Variants in ANKRD26 observed in about 807,000 individuals in gnomAD.
ANKRD26 encodes the protein ankyrin repeat domain 26, also known as ankyrin repeat domain-containing protein 26.
A neutral mutation model predicts 208.7 loss-of-function variants in ANKRD26; 141 were observed. The ratio of observed to expected loss-of-function variants is 0.68; its 90% confidence interval spans 0.59 to 0.78. The LOEUF (loss-of-function observed/expected upper bound fraction) is 0.78. Among genes scored for constraint, ANKRD26 ranks in the 30% least tolerant of loss-of-function variants. The probability of loss-of-function intolerance (pLI) is 0.00; values close to 1 mark genes in which losing one functional copy is unlikely to be tolerated. For synonymous variants in ANKRD26, 636 were observed against 660.4 expected (o/e 0.96, Z 0.57); for missense variants, 1,889 against 1,938.7 (o/e 0.97, Z 0.48).
At chr10:27,030,970 AT>A (rs1446941125) in intron 25 of ANKRD26, among the ~76,000 whole-genome samples, 3 of 152,222 alleles carry the variant, frequency 2.0e-5, no homozygotes, top group East Asian at 3.8e-4. Flanking sequence ...ATGAAAAAAA[AT>A]AAAAGTGAAG....
Position 27,033,357 on chromosome 10 carries a change from T to A in ANKRD26, c.3675A>T (p.Gln1225His). ...TTTTTAGGGTATCAGCTAGTTCTTG[T>A]TGAAGTTGTCTCACAACAACCTGAT... ...AEREVVVRQLQQELADTLKKQ... is the reference protein window; with the variant it reads ...AEREVVVRQLHQELADTLKKQ... Residue 1225 changes from glutamine (Q) to histidine (H), a missense_variant, in exon 25 of 34, where the codon CAA becomes CAT. Physicochemically the swap from Gln to His is conservative, Grantham distance 24. Transcript: ENST00000376087. The A allele has an allele frequency of 1.9e-6, 3 of 1,610,038 alleles. No homozygotes were observed. The South Asian group carries it at 3.3e-5, about 18-fold the overall frequency.
rs998459701 is a variant in ANKRD26, at chr10:27,061,335, T to G, written c.1364-93A>C. 2.3e-5 allele frequency: 18 copies of G among 790,082 alleles called. No homozygotes were observed. The Admixed American group carries it at 2.6e-4, about 11-fold the overall frequency. 48.9% of individuals were successfully genotyped at this position (790,082 alleles called of 1,614,324 possible). A position where few individuals can be genotyped will look rare whatever the true frequency, so the allele number is the denominator to read the frequency against. Reference sequence around the variant, plus strand: ...ACAGAATTAGATATTAATAACATTTTATATTTCAAAATTAGTGCAGTTTTT... The same window carrying G: ...ACAGAATTAGATATTAATAACATTTGATATTTCAAAATTAGTGCAGTTTTT... On this transcript the variant is annotated intron_variant, in intron 12 of 33. Transcript: ENST00000376087.
rs1589194534 is a variant in ANKRD26, at chr10:27,004,769, T to C, written c.*821A>G. 6.7e-6 allele frequency: 1 copy of C among 149,618 alleles called. No individual in the cohort carries two copies. Among genetic ancestry groups the C allele is most frequent in the African/African-American group, 2.5e-5 (1 of 40,104 alleles). The allele number at this position is 149,618 out of a possible 1,614,324, so 9.3% of individuals were successfully genotyped here. A position where few individuals can be genotyped will look rare whatever the true frequency, so the allele number is the denominator to read the frequency against. The stretch of plus-strand genomic sequence containing the variant: ...GAAAGACTGAGGAACTGTTCCAGAC[T>C]GAAAGATCTAACAGATACAACAACT... On this transcript the variant is annotated 3_prime_UTR_variant, in exon 34 of 34. Coordinates refer to ENST00000376087, the MANE Select transcript of ANKRD26 (RefSeq NM_014915.3).
intron 3 of ANKRD26, among the ~76,000 whole-genome samples, chr10:27,092,866 T>G (rs2056345262): frequency 6.6e-6 from 1 of 152,214 alleles, no homozygotes; most frequent in Non-Finnish European, 1.5e-5. Flanking sequence ...GTGGATCACC[T>G]GAGGTCAGGA....
At position 26,994,942 on chromosome 10, in the gene ANKRD26, G is replaced by A. The variant is rs146581082; in HGVS notation, c.*29+99C>T. On this transcript the variant is annotated intron_variant, in intron 5 of 5. Transcript: ENST00000445828. Reference sequence around the variant, plus strand: ...GGCTACTTCAGCTGATCTGCCTTGGGGAAGAGGACTGGCTTCAATTACCTC... The same window carrying A: ...GGCTACTTCAGCTGATCTGCCTTGGAGAAGAGGACTGGCTTCAATTACCTC... The A allele has an allele frequency of 5.7e-4, 230 of 402,794 alleles. 1 individual carries two copies. The highest frequency in any genetic ancestry group is 4.5e-3 in the African/African-American group (218 of 48,896). The allele number at this position is 402,794 out of a possible 1,614,324, so 25.0% of individuals were successfully genotyped here.
the ANKRD26 span, among the ~76,000 whole-genome samples, chr10:26,959,564 G>A: frequency 6.6e-6 from 1 of 151,670 alleles, no homozygotes; most frequent in South Asian, 2.1e-4. Flanking sequence ...TAACTATGAA[G>A]AGAGAAAGCA....
rs1338893639 is a variant in ANKRD26 at position 27,043,542 on chromosome 10, TC to T, written c.2044del (p.Asp682MetfsTer6). 1 of 1,613,748 alleles carries T rather than the reference TC, an allele frequency of 6.2e-7. No individual in the cohort carries two copies. The highest frequency in any genetic ancestry group is 8.5e-7 in the Non-Finnish European group (1 of 1,179,842). ...NKVKNQIQSM[D>X]DVDDLTQSSE... ...TGACTGAGTTAAGTCATCAACATCA[TC>T]CATAGACTGTATTTGGTTTTTGACC... On this transcript the variant is annotated frameshift_variant, in exon 20 of 34. Coordinates refer to ENST00000376087, the MANE Select transcript of ANKRD26 (RefSeq NM_014915.3). LOFTEE classifies it high-confidence loss of function.
At chr10:27,000,210 C>T (rs542641875), downstream of ANKRD26, among the ~76,000 whole-genome samples, 5 of 152,202 alleles carry the variant, frequency 3.3e-5, no homozygotes, top group Non-Finnish European at 7.4e-5. Flanking sequence ...CCACAGAAAC[C>T]GAGAGATAAG....
At chr10:27,057,585 A>G (rs1167804738) in intron 15 of ANKRD26, among the ~76,000 whole-genome samples, 1 of 152,220 alleles carries the variant, frequency 6.6e-6, no homozygotes, top group African/African-American at 2.4e-5. Flanking sequence ...TCCTCAACGT[A>G]CCACTATGTT....
chr10:27,020,180 C>T (rs2053438760), intron 29 of ANKRD26, among the ~76,000 whole-genome samples: 1 of 152,164 alleles, frequency 6.6e-6, no homozygotes. Context: ...TTAGTTGACA[C>T]ACAACATTGT....
the ANKRD26 span, among the ~76,000 whole-genome samples, chr10:26,967,869 C>T: frequency 6.6e-6 from 1 of 152,130 alleles, no homozygotes; most frequent in South Asian, 2.1e-4. Flanking sequence ...TCTGCAGACT[C>T]TTCTACCTTA....
chr10:27,100,305 T>G lies in ANKRD26; in HGVS notation c.22A>C (p.Lys8Gln). The G allele has an allele frequency of 6.2e-7, 1 of 1,609,234 alleles. No homozygotes were observed. The highest frequency in any genetic ancestry group is 8.5e-7 in the Non-Finnish European group (1 of 1,179,756). MKKIFSK[K>Q]GESPLGSFAR... ...AAGGAGCCCAAGGGCGACTCGCCCTTCTTACTAAAAATCTTCTTCATGGCC... is the reference window on the plus strand; with the variant it reads ...AAGGAGCCCAAGGGCGACTCGCCCTGCTTACTAAAAATCTTCTTCATGGCC... The change falls in exon 1 of 34, where the codon AAG becomes CAG. Residue 8 changes from lysine to glutamine, a missense_variant. Physicochemically the swap from Lys to Gln is moderately conservative, Grantham distance 53. This residue lies in a region of ANKRD26 where 1,272 missense variants were observed against 1,273.8 expected (regional missense o/e 1.00). Coordinates refer to ENST00000376087, the MANE Select transcript of ANKRD26 (RefSeq NM_014915.3).
chr10:27,041,485 G>A (rs2054238330), intron 20 of ANKRD26, among the ~76,000 whole-genome samples: 1 of 152,124 alleles, frequency 6.6e-6, no homozygotes, highest in South Asian at 2.1e-4. Flanking sequence ...CCTCAGGAGT[G>A]GGGAATTAGC....
chr10:27,031,965 T>C (rs1225733106), intron 25 of ANKRD26, among the ~76,000 whole-genome samples: 1 of 152,198 alleles, frequency 6.6e-6, no homozygotes, highest in Non-Finnish European at 1.5e-5. Flanking sequence ...ACAGACTCTG[T>C]ATCCATTCAC....
downstream of ANKRD26, among the ~76,000 whole-genome samples, chr10:26,970,195 T>A (rs954608253): frequency 6.6e-6 from 1 of 152,098 alleles, no homozygotes; most frequent in Admixed American, 6.6e-5. Flanking sequence ...GTGATTTCTT[T>A]GGGGCCCTGA....
Position 27,085,662 on chromosome 10 carries a change from C to G in ANKRD26, c.709+877G>C, listed in dbSNP as rs534997402. 3.9e-5 allele frequency among the ~76,000 whole-genome samples: 6 copies of G among 152,210 alleles called. No homozygotes were observed. In the South Asian group the frequency reaches 1.2e-3, roughly 32 times the overall value. ...CCAGAAAGGTACTGTTGAGTTCCCC[C>G]TTTTAAAGATAGTTAATTTTTAGTG... is the stretch of plus-strand genomic sequence containing the variant. On this transcript the variant is annotated intron_variant, in intron 5 of 33. Transcript: ENST00000376087.
At chr10:26,985,613 G>C (rs73596342) in intron 3 of ANKRD26, among the ~76,000 whole-genome samples, 1,887 of 152,282 alleles carry the variant, frequency 0.012, 44 homozygotes, top group African/African-American at 0.043. Flanking sequence ...CCTGCTTTCA[G>C]TGGTGTCCAA....
Position 27,035,160 on chromosome 10 carries a change from A to T in ANKRD26, c.3290T>A (p.Val1097Glu). The change falls in exon 24 of 34, where the codon GTA becomes GAA. Residue 1097 changes from valine to glutamate, a missense_variant. Val to Glu is a moderately radical substitution (Grantham distance 121). This residue lies in a region of ANKRD26 where 1,272 missense variants were observed against 1,273.8 expected (regional missense o/e 1.00). Transcript: ENST00000376087. Reference sequence around the variant, plus strand: ...CTGTGTTTGGCTTAGGTCCTTTTGTACCCGTTCTAAACCCAAAGTCTTTTC... The same window carrying T: ...CTGTGTTTGGCTTAGGTCCTTTTGTTCCCGTTCTAAACCCAAAGTCTTTTC... ...LREKTLGLER[V>E]QKDLSQTQCQ... 1 of 1,613,852 alleles carries T rather than the reference A, an allele frequency of 6.2e-7. No homozygotes were observed. The highest frequency in any genetic ancestry group is 1.3e-5 in the African/African-American group (1 of 74,998).
Position 27,075,115 on chromosome 10 carries a change from T to C in ANKRD26, c.1077+2223A>G, listed in dbSNP as rs544492640. ...TCTCAATGTTGAAATAAAAGGTTGA[T>C]ACATAACAGAATAGAAACTTCTGAA... On this transcript the variant is annotated intron_variant, in intron 9 of 33. Transcript: ENST00000376087. 3.9e-5 allele frequency among the ~76,000 whole-genome samples: 6 copies of C among 152,314 alleles called. No individual in the cohort carries two copies. The East Asian group carries it at 9.6e-4, about 24-fold the overall frequency.
Sources: allele counts gnomAD v4.1 joint callset (sites outside exome capture counted in the v4.1 genomes callset), GRCh38; gene constraint gnomAD v4.1.1; regional missense constraint gnomAD v4.1.1; transcripts MANE v1.5; gene names NCBI Gene and HGNC (gene_info 2026-07-23, HGNC 2026-07-21).